CPLANE1: variants seen among roughly 807,000 people sequenced by gnomAD.
The protein encoded by CPLANE1 is ciliogenesis and planar polarity effector 1.
In CPLANE1, 263 loss-of-function variants were observed where a neutral mutation model predicts 362.5. The observed-to-expected ratio is 0.73, with a 90% CI of 0.66 to 0.80. The LOEUF is 0.80. Ranked by LOEUF, CPLANE1 falls within the 30% of genes least tolerant of loss-of-function variation. The probability of loss-of-function intolerance (pLI) is 0.00; values close to 1 mark genes in which losing one functional copy is unlikely to be tolerated. For missense variants in CPLANE1, 3,461 were observed against 3,793.4 expected (o/e 0.91, Z 2.30); for synonymous variants, 1,212 against 1,302.6 (o/e 0.93, Z 1.50).
At chr5:37,195,086 C>CAG (rs1181116829) in intron 21 of CPLANE1, among the ~76,000 whole-genome samples, 4 of 148,408 alleles carry the variant, frequency 2.7e-5, no homozygotes, top group Non-Finnish European at 5.9e-5. Context: ...ACCCAGGAGG[C>CAG]AGAGCTTGCA....
intron 49 of CPLANE1, among the ~76,000 whole-genome samples, chr5:37,121,282 G>T (rs1266109182): frequency 6.6e-6 from 1 of 152,124 alleles, no homozygotes; most frequent in Non-Finnish European, 1.5e-5. Flanking sequence ...TGACACATGG[G>T]AAAATAGGAT....
chr5:37,169,633 G>T, intron 33 of CPLANE1, 72 bp from the exon 34 acceptor site: 1 of 1,354,840 alleles, frequency 7.4e-7, no homozygotes, highest in Non-Finnish European at 1.0e-6. Flanking sequence ...ATGGCATTCA[G>T]TATGTTTTGC....
At chr5:37,163,555 T>G (rs1444123394) in intron 37 of CPLANE1, among the ~76,000 whole-genome samples, 1 of 152,182 alleles carries the variant, frequency 6.6e-6, no homozygotes, top group Non-Finnish European at 1.5e-5. Context: ...CTAGGTAGAA[T>G]AAGAAAGTAT....
rs12515522 is a variant in CPLANE1 at position 37,226,135 on chromosome 5, G to A, written c.2291+169C>T. On this transcript the variant is annotated intron_variant, in intron 12 of 52. Coordinates refer to ENST00000651892, the MANE Select transcript of CPLANE1 (RefSeq NM_001384732.1). ...GATTTCTTTCTGGGGTGATAAAAAC[G>A]TTCTGGAATTAGTGCTAATAGTTTC... is the stretch of plus-strand genomic sequence containing the variant. Among the ~76,000 whole-genome samples, 17,749 of 152,002 alleles carry A rather than the reference G, an allele frequency of 0.12. 1,100 individuals are homozygous for A. Among genetic ancestry groups the A allele is most frequent in the Admixed American group, 0.16 (2,383 of 15,272 alleles).
intron 46 of CPLANE1, among the ~76,000 whole-genome samples, chr5:37,137,823 T>C (rs1768211119): frequency 6.6e-6 from 1 of 152,046 alleles, no homozygotes; most frequent in Non-Finnish European, 1.5e-5. Flanking sequence ...TCTCCACCTG[T>C]TCCCTCCCAT....
At chr5:37,217,601 C>T (rs1794384627) in intron 15 of CPLANE1, among the ~76,000 whole-genome samples, 1 of 142,642 alleles carries the variant, frequency 7.0e-6, no homozygotes, top group African/African-American at 3.0e-5. Flanking sequence ...AGCGAGACAC[C>T]ATCTCAAATA....
Position 37,122,499 on chromosome 5 carries a change from A to G in CPLANE1, c.8959-11T>C. 1 of 1,604,394 alleles carries G rather than the reference A, an allele frequency of 6.2e-7. No individual in the cohort carries two copies. The highest frequency in any genetic ancestry group is 8.5e-7 in the Non-Finnish European group (1 of 1,175,174). On this transcript the variant is annotated splice_polypyrimidine_tract_variant and intron_variant, in intron 47 of 52. Transcript: ENST00000651892. ...TGAAGTCATGTAAAGCTGCATAAAAAATACCCAGTTGGTTCATTATTGTTC... is the reference window on the plus strand; with the variant it reads ...TGAAGTCATGTAAAGCTGCATAAAAGATACCCAGTTGGTTCATTATTGTTC...
At position 37,227,426 on chromosome 5, in the gene CPLANE1, A is replaced by C. The variant is rs748491438; in HGVS notation, c.1372-34T>G. The C allele has an allele frequency of 1.7e-5, 25 of 1,513,404 alleles. No homozygotes were observed. In the African/African-American group the frequency reaches 3.2e-4, roughly 20 times the overall value. The allele number at this position is 1,513,404 out of a possible 1,614,324, so 93.7% of individuals were successfully genotyped here. A position where few individuals can be genotyped will look rare whatever the true frequency, so the allele number is the denominator to read the frequency against. ...GAAAAGATGAAAGATTTCCAAGAGC[A>C]AAATGTTATCTGTAATTCTATTATA... On this transcript the variant is annotated intron_variant, in intron 10 of 52. Transcript: ENST00000651892.
Position 37,175,981 on chromosome 5 carries a change from A to G in CPLANE1, c.5906T>C (p.Ile1969Thr). ...ATGCCCAGGATGTGAAAAGGCTTCG[A>G]TCATACTATCAATAAAAATTAACAG... Reference protein sequence around the residue: ...EEKSTEQKGMIEAFSHPGHTT... With the variant: ...EEKSTEQKGMTEAFSHPGHTT... The change falls in exon 31 of 53, where the codon ATC becomes ACC. Residue 1969 changes from isoleucine (I) to threonine (T), a missense_variant. Ile to Thr is a moderately conservative substitution (Grantham distance 89). Coordinates refer to ENST00000651892, the MANE Select transcript of CPLANE1 (RefSeq NM_001384732.1). 1 of 1,608,036 alleles carries G rather than the reference A, an allele frequency of 6.2e-7. No homozygotes were observed. The highest frequency in any genetic ancestry group is 8.5e-7 in the Non-Finnish European group (1 of 1,174,932).
chr5:37,219,910 A>G (rs1580840354), intron 15 of CPLANE1, among the ~76,000 whole-genome samples: 4 of 152,300 alleles, frequency 2.6e-5, no homozygotes, highest in Admixed American at 2.6e-4. Context: ...ATTGCCTAAT[A>G]TGAACACGTA....
chr5:37,156,741 C>T (rs948137505), intron 41 of CPLANE1, among the ~76,000 whole-genome samples: 2 of 152,070 alleles, frequency 1.3e-5, no homozygotes, highest in South Asian at 2.1e-4. Context: ...GAATTGCATA[C>T]ACCTGGCCAT....
In CPLANE1 at chr5:37,209,194, T is replaced by G. The variant is rs1264090161; in HGVS notation, c.2921-2769A>C. ...GTTTGTTAGAAAACCTAGTTGGGAG[T>G]GCAAGGCAGAGAGCGTTCAGCACCC... On this transcript the variant is annotated intron_variant, in intron 16 of 52. Transcript: ENST00000651892. The surrounding 1 kb of genome is among the most constrained non-coding windows in gnomAD (Gnocchi z 4.6). Among the ~76,000 whole-genome samples the G allele has an allele frequency of 6.6e-6, 1 of 152,094 alleles. No individual in the cohort carries two copies. The highest frequency in any genetic ancestry group is 1.5e-5 in the Non-Finnish European group (1 of 68,030).
chr5:37,182,850 T>A lies in CPLANE1; in HGVS notation c.5331A>T (p.Val1777=). The A allele has an allele frequency of 6.2e-7, 1 of 1,613,176 alleles. No individual in the cohort carries two copies. The highest frequency in any genetic ancestry group is 8.5e-7 in the Non-Finnish European group (1 of 1,179,738). The change falls in exon 26 of 53, where the codon GTA becomes GTT. Residue 1777 remains valine, a synonymous_variant. Transcript: ENST00000651892. ...SSSEYSPVIR[V]KTSTAAILTS... ...TAAGAATGGCAGCTGTAGAGGTCTT[T>A]ACACGAATTACTGGACTGTACTCAG... is the stretch of plus-strand genomic sequence containing the variant.
In CPLANE1 at chr5:37,106,920, AC is replaced by A; in HGVS notation, c.*681del. 1 of 984,384 alleles carries A rather than the reference AC, an allele frequency of 1.0e-6. No homozygotes were observed. The highest frequency in any genetic ancestry group is 4.7e-5 in the South Asian group (1 of 21,272). The allele number at this position is 984,384 out of a possible 1,614,324, so 61.0% of individuals were successfully genotyped here. On this transcript the variant is annotated 3_prime_UTR_variant, in exon 53 of 53. Coordinates refer to ENST00000651892, the MANE Select transcript of CPLANE1 (RefSeq NM_001384732.1). ...TACCAAAAACTAATCAGGTCTCTGT[AC>A]CATGGTTCTTACAAATTTAAGATGA...
intron 15 of CPLANE1, among the ~76,000 whole-genome samples, chr5:37,214,478 C>CA (rs1017003980): frequency 2.7e-5 from 4 of 150,690 alleles, no homozygotes; most frequent in African/African-American, 4.9e-5. Flanking sequence ...GACCCTGACT[C>CA]AAAAAAAAAT....
At chr5:37,182,692 A>G (rs753760105) in intron 26 of CPLANE1, 68 bp downstream of exon 26, 2 of 936,756 alleles carry the variant, frequency 2.1e-6, no homozygotes, top group Admixed American at 2.9e-5. Context: ...AAGATGGGAA[A>G]TGTAAACATA....
intron 2 of CPLANE1, 85 bp downstream of exon 2, chr5:37,247,533 A>G (rs1355474502): frequency 4.6e-5 from 53 of 1,159,970 alleles, no homozygotes; most frequent in Non-Finnish European, 6.4e-5. Flanking sequence ...TATTTATTTA[A>G]GATCATAGAA....
chr5:37,248,113 T>C (rs377520721), intron 1 of CPLANE1, among the ~76,000 whole-genome samples: 3 of 149,278 alleles, frequency 2.0e-5, no homozygotes, highest in Non-Finnish European at 4.4e-5. Context: ...AACTGACAAT[T>C]TTCATAAAGT....
downstream of CPLANE1, among the ~76,000 whole-genome samples, chr5:37,101,311 CAT>C (rs776623794): frequency 3.9e-5 from 6 of 152,230 alleles, no homozygotes; most frequent in Admixed American, 6.5e-5. Context: ...GAGTTTTTAA[CAT>C]AAAGGATGTT....
Sources: gnomAD v4.1 joint callset for allele counts (sites outside exome capture counted in the v4.1 genomes callset) on GRCh38, gnomAD v4.1.1 for gene constraint, Gnocchi (gnomAD v3.1) non-coding constraint, MANE v1.5 for transcripts, NCBI Gene and HGNC (gene_info 2026-07-23, HGNC 2026-07-21) for gene names.